NPAS3: variants seen among roughly 807,000 people sequenced by gnomAD.
NPAS3 encodes neuronal PAS domain protein 3.
NPAS3 carries 14 observed loss-of-function variants against 73.1 expected under a neutral mutation model. That is an observed-to-expected ratio of 0.19 (90% CI 0.13 to 0.30). The LOEUF (loss-of-function observed/expected upper bound fraction) is 0.30. NPAS3 is among the 10% of genes least tolerant of loss of function. The pLI, the probability that NPAS3 is intolerant of heterozygous loss-of-function variation, is 1.00. For synonymous variants in NPAS3, 620 were observed against 541.5 expected (o/e 1.14, Z -2.01); for missense variants, 1,096 against 1,250.0 (o/e 0.88, Z 1.86).
chr14:33,716,756 T>A (rs1212199043), intron 6 of NPAS3, among the ~76,000 whole-genome samples: 4 of 152,106 alleles, frequency 2.6e-5, no homozygotes, highest in African/African-American at 7.2e-5. Flanking sequence ...CTGGTCGTTG[T>A]GCCCCTTCTT....
Position 33,780,306 on chromosome 14 carries a change from T to C in NPAS3, c.1153+1734T>C, listed in dbSNP as rs57175311. 2.0e-3 allele frequency among the ~76,000 whole-genome samples: 305 copies of C among 152,294 alleles called. 6 individuals carry two copies. In the East Asian group the frequency reaches 0.035, roughly 18 times the overall value. On this transcript the variant is annotated intron_variant, in intron 9 of 11. Coordinates refer to ENST00000356141, the Ensembl canonical transcript of NPAS3. ...CAATTAATTGGGGAAAAAAATGATGTGGTTTCCTGAAAAGAAACATCAGGT... is the reference window on the plus strand; with the variant it reads ...CAATTAATTGGGGAAAAAAATGATGCGGTTTCCTGAAAAGAAACATCAGGT...
rs147299779 is a variant in NPAS3, at chr14:33,090,857, C to T, written c.140+34863C>T. On this transcript the variant is annotated intron_variant, in intron 2 of 11. Coordinates refer to ENST00000356141, the Ensembl canonical transcript of NPAS3. ...ATTAAGAAACTCACTCAAAACCGCT[C>T]AACTACATGGAAACTGAACAACCTG... is the stretch of plus-strand genomic sequence containing the variant. Among the ~76,000 whole-genome samples the T allele has an allele frequency of 5.9e-3, 900 of 152,314 alleles. 4 individuals carry two copies. Among genetic ancestry groups the T allele is most frequent in the Non-Finnish European group, 8.5e-3 (579 of 68,020 alleles).
At chr14:33,120,287 C>T (rs377708224) in intron 2 of NPAS3, among the ~76,000 whole-genome samples, 2 of 152,040 alleles carry the variant, frequency 1.3e-5, no homozygotes, top group East Asian at 3.9e-4. Flanking sequence ...CAGAAATGGC[C>T]ACATAAATCT....
At chr14:33,424,730 G>A (rs1320713134) in intron 4 of NPAS3, among the ~76,000 whole-genome samples, 2 of 151,534 alleles carry the variant, frequency 1.3e-5, no homozygotes, top group African/African-American at 4.8e-5. Context: ...AGGGGGAAGT[G>A]TTAGAAGGGG....
intron 4 of NPAS3, among the ~76,000 whole-genome samples, chr14:33,465,174 GT>G (rs1412455151): frequency 6.6e-6 from 1 of 151,926 alleles, no homozygotes; most frequent in East Asian, 1.9e-4. Context: ...GACTATCTTT[GT>G]TTTTTCCAAG....
intron 3 of NPAS3, among the ~76,000 whole-genome samples, chr14:33,337,963 A>ATTT (rs35762578): frequency 1.3e-5 from 2 of 149,978 alleles, no homozygotes; most frequent in African/African-American, 4.9e-5. Context: ...ATTTCTAGGA[A>ATTT]TTTTTTTTTG....
chr14:33,473,696 A>G (rs1328142884), intron 4 of NPAS3, among the ~76,000 whole-genome samples: 2 of 152,078 alleles, frequency 1.3e-5, no homozygotes, highest in Admixed American at 6.6e-5. Flanking sequence ...CTGGAAATAG[A>G]GAGAAAGTTT....
At chr14:33,705,700 C>T (rs899008149) in intron 6 of NPAS3, among the ~76,000 whole-genome samples, 1 of 152,120 alleles carries the variant, frequency 6.6e-6, no homozygotes, top group African/African-American at 2.4e-5. Context: ...TATCCAGGCT[C>T]CTGTGGGATA....
intron 1 of NPAS3, among the ~76,000 whole-genome samples, chr14:32,988,300 C>T (rs926654326): frequency 4.6e-5 from 7 of 152,100 alleles, no homozygotes; most frequent in African/African-American, 1.4e-4. Context: ...ATGTCCACAG[C>T]AGACTTATGT....
chr14:33,328,440 T>C (rs1173650063), intron 3 of NPAS3, among the ~76,000 whole-genome samples: 3 of 136,796 alleles, frequency 2.2e-5, no homozygotes, highest in Non-Finnish European at 3.1e-5. Context: ...CTTTTCCTTT[T>C]CTTTTCTTTT....
chr14:33,691,226 ATT>A (rs1220041175), intron 6 of NPAS3, among the ~76,000 whole-genome samples: 1 of 152,216 alleles, frequency 6.6e-6, no homozygotes, highest in Non-Finnish European at 1.5e-5. Flanking sequence ...AATTGCTGGT[ATT>A]TGGGCCTTTG....
At chr14:33,188,159 C>T (rs2046047114) in intron 2 of NPAS3, among the ~76,000 whole-genome samples, 1 of 152,196 alleles carries the variant, frequency 6.6e-6, no homozygotes, top group Non-Finnish European at 1.5e-5. Flanking sequence ...TGAGATAATG[C>T]ATCAAGCATG....
chr14:33,798,763 G>A (rs1036576007), intron 11 of NPAS3, among the ~76,000 whole-genome samples: 10 of 152,150 alleles, frequency 6.6e-5, no homozygotes, highest in Non-Finnish European at 1.2e-4. Context: ...TTAATACAGT[G>A]CATAGTTGTG....
chr14:33,100,823 A>G (rs2042557691), intron 2 of NPAS3, among the ~76,000 whole-genome samples: 1 of 152,156 alleles, frequency 6.6e-6, no homozygotes, highest in Admixed American at 6.6e-5. Context: ...TTCTGGTTAC[A>G]TTGTATTTCT....
chr14:33,720,491 G>A (rs1272589647), intron 6 of NPAS3, among the ~76,000 whole-genome samples: 1 of 152,168 alleles, frequency 6.6e-6, no homozygotes, highest in Non-Finnish European at 1.5e-5. Flanking sequence ...ACAAGATGTA[G>A]CCACATTAGT....
chr14:33,401,720 C>G (rs1397576511), intron 4 of NPAS3, among the ~76,000 whole-genome samples: 2 of 152,114 alleles, frequency 1.3e-5, no homozygotes, highest in Admixed American at 6.6e-5. Context: ...ACCATTACAT[C>G]TTTTTGGGTC....
chr14:32,937,888 GTGGA>G (rs1480776109), upstream of NPAS3, among the ~76,000 whole-genome samples: 1 of 152,114 alleles, frequency 6.6e-6, no homozygotes, highest in Non-Finnish European at 1.5e-5. Context: ...GATTGGTTTA[GTGGA>G]GAAAACGCTC....
chr14:33,692,183 T>C (rs1025123758), intron 6 of NPAS3, among the ~76,000 whole-genome samples: 41 of 152,154 alleles, frequency 2.7e-4, no homozygotes, highest in African/African-American at 9.7e-4. Context: ...TTGCCCATTT[T>C]TCATTATTAT....
At chr14:33,391,680 T>C (rs191673815) in intron 4 of NPAS3, among the ~76,000 whole-genome samples, 13 of 152,262 alleles carry the variant, frequency 8.5e-5, no homozygotes, top group South Asian at 8.3e-4. Context: ...TGAGAAGATA[T>C]TGTGTTGAAG....
Sources: allele counts gnomAD v4.1 joint callset (sites outside exome capture counted in the v4.1 genomes callset), GRCh38; gene constraint gnomAD v4.1.1; transcripts MANE v1.5; gene names NCBI Gene and HGNC (gene_info 2026-07-23, HGNC 2026-07-21).